Variants in CTTNBP2 observed in about 807,000 individuals in gnomAD.
CTTNBP2 encodes the protein cortactin binding protein 2, also known as cortactin-binding protein 2.
In CTTNBP2, 108 loss-of-function variants were observed where a neutral mutation model predicts 156.9. The ratio of observed to expected loss-of-function variants is 0.69; its 90% CI spans 0.59 to 0.81. CTTNBP2 has a LOEUF of 0.81. CTTNBP2 is among the 30% of genes least tolerant of loss of function. The probability of loss-of-function intolerance (pLI) is 0.00; values close to 1 mark genes in which losing one functional copy is unlikely to be tolerated. For synonymous variants in CTTNBP2, 767 were observed against 751.8 expected, an observed-to-expected ratio of 1.02 and a Z score of -0.33; for missense variants, 1,924 against 2,035.4, an observed-to-expected ratio of 0.95 and a Z score of 1.05.
chr7:117,857,989 G>A (rs555495995), intron 2 of CTTNBP2, among the ~76,000 whole-genome samples: 2 of 152,216 alleles, frequency 1.3e-5, no homozygotes, highest in South Asian at 2.1e-4. Context: ...CCACAGGTAT[G>A]TGAAGACGAC....
At chr7:117,806,140 A>T (rs974625565) in intron 3 of CTTNBP2, among the ~76,000 whole-genome samples, 1 of 152,180 alleles carries the variant, frequency 6.6e-6, no homozygotes, top group African/African-American at 2.4e-5. Context: ...CTTTTGCAAA[A>T]AGCAGTGGAT....
intron 14 of CTTNBP2, among the ~76,000 whole-genome samples, chr7:117,744,995 C>G (rs1425068698): frequency 6.6e-6 from 1 of 152,176 alleles, no homozygotes; most frequent in Non-Finnish European, 1.5e-5. Context: ...TCGCCCCTTC[C>G]CCAGGGGTCT....
At chr7:117,714,855 A>G (rs138924829) in intron 22 of CTTNBP2, among the ~76,000 whole-genome samples, 53 of 152,318 alleles carry the variant, frequency 3.5e-4, no homozygotes, top group South Asian at 1.5e-3. Flanking sequence ...ACACCCTGGA[A>G]GTCAAGCCTA....
At chr7:117,714,846 C>G (rs1244648947) in intron 22 of CTTNBP2, among the ~76,000 whole-genome samples, 1 of 152,174 alleles carries the variant, frequency 6.6e-6, no homozygotes, top group African/African-American at 2.4e-5. Flanking sequence ...GTGCTCCTGA[C>G]ACCCTGGAAG....
Position 117,745,848 on chromosome 7 carries a change from TCTAGTAG to T in CTTNBP2, c.3511_3517del (p.Leu1171ThrfsTer9). ...GTTCTTACCGCTACTAATGAACAGG[TCTAGTAG>T]CTGTTCCTTGGAAAAACCAGCATCT... On this transcript the variant is annotated frameshift_variant, in exon 14 of 23. Coordinates refer to ENST00000160373, the MANE Select transcript of CTTNBP2 (RefSeq NM_033427.3). LOFTEE classifies it high-confidence loss of function. The T allele has an allele frequency of 6.2e-7, 1 of 1,612,116 alleles. No homozygotes were observed. The highest frequency in any genetic ancestry group is 8.5e-7 in the Non-Finnish European group (1 of 1,178,124).
chr7:117,755,421 A>G, intron 12 of CTTNBP2: 1 of 335,060 alleles, frequency 3.0e-6, no homozygotes, highest in Non-Finnish European at 6.0e-6. Context: ...CATCGAAATT[A>G]AGGCAGCAAG....
chr7:117,792,699 T>C lies in CTTNBP2; in HGVS notation c.497A>G (p.Lys166Arg). 1 of 1,612,952 alleles carries C rather than the reference T, an allele frequency of 6.2e-7. No individual in the cohort carries two copies. The highest frequency in any genetic ancestry group is 8.5e-7 in the Non-Finnish European group (1 of 1,179,306). ...LAARLEEERG[K>R]NKQVVLMLVK... is the part of the protein sequence containing the mutation. ...CAGCATCAGGACCACCTGCTTGTTCTTGCCACGCTCTTCCTCAAGGCGGGC... is the reference window on the plus strand; with the variant it reads ...CAGCATCAGGACCACCTGCTTGTTCCTGCCACGCTCTTCCTCAAGGCGGGC... The change falls in exon 4 of 23, where the codon AAG becomes AGG. Residue 166 changes from lysine (K) to arginine (R), a missense_variant. Coordinates refer to ENST00000160373, the MANE Select transcript of CTTNBP2 (RefSeq NM_033427.3). The surrounding 1 kb of genome is among the most constrained non-coding windows in gnomAD (Gnocchi z 4.2).
intron 16 of CTTNBP2, among the ~76,000 whole-genome samples, chr7:117,729,284 G>A (rs1056218520): frequency 1.3e-5 from 2 of 152,168 alleles, no homozygotes; most frequent in African/African-American, 2.4e-5. Flanking sequence ...TGCAGATGTT[G>A]TTTATATGAA....
intron 2 of CTTNBP2, among the ~76,000 whole-genome samples, chr7:117,820,074 A>G (rs1328460653): frequency 6.6e-6 from 1 of 152,202 alleles, no homozygotes; most frequent in Non-Finnish European, 1.5e-5. Flanking sequence ...CCTTGCACAC[A>G]TTCATTAGTG....
At chr7:117,865,810 G>A (rs1804153560) in intron 1 of CTTNBP2, among the ~76,000 whole-genome samples, 1 of 150,306 alleles carries the variant, frequency 6.7e-6, no homozygotes, top group South Asian at 2.1e-4. Context: ...ATCTGGCATG[G>A]CAGCTTCAAC....
At chr7:117,773,648 AACACACAC>A (rs71528190) in intron 8 of CTTNBP2, among the ~76,000 whole-genome samples, 2,639 of 95,086 alleles carry the variant, frequency 0.028, 45 homozygotes, top group East Asian at 0.072. Flanking sequence ...GCTTAGAGTT[AACACACAC>A]ACACACACAC....
chr7:117,784,411 A>G lies in CTTNBP2; in HGVS notation c.2112T>C (p.Pro704=), dbSNP rs1798594203. ...GGGTGGGCCTGCCAGCCAGGGGGGC[A>G]GGACCACCACTCATTAGCAAAGGGG... ...SLTPLLMSGG[P]APLAGRPTLL... is the part of the protein sequence containing the mutation. Residue 704 remains proline, a synonymous_variant, in exon 5 of 23, where the codon CCT becomes CCC. Coordinates refer to ENST00000160373, the MANE Select transcript of CTTNBP2 (RefSeq NM_033427.3). The G allele has an allele frequency of 6.2e-7, 1 of 1,611,630 alleles. No homozygotes were observed. Among genetic ancestry groups the G allele is most frequent in the East Asian group, 2.2e-5 (1 of 44,798 alleles).
intron 22 of CTTNBP2, chr7:117,713,660 C>T (rs1794180554): frequency 6.6e-6 from 1 of 152,180 alleles, no homozygotes; most frequent in Admixed American, 6.5e-5. Flanking sequence ...AGTTTGGCTC[C>T]AATCCCCTTT....
At chr7:117,829,307 T>C (rs947614737) in intron 2 of CTTNBP2, among the ~76,000 whole-genome samples, 1 of 152,214 alleles carries the variant, frequency 6.6e-6, no homozygotes. Context: ...TTAATATTCA[T>C]AGAGAACAAA....
At chr7:117,767,286 A>C in intron 8 of CTTNBP2, 110 bp from the exon 9 acceptor site, 1 of 701,088 alleles carries the variant, frequency 1.4e-6, no homozygotes, top group Non-Finnish European at 2.6e-6. Context: ...ATTCATGGCT[A>C]TAAATCTTAT....
chr7:117,839,258 G>A (rs1324165276), intron 2 of CTTNBP2, among the ~76,000 whole-genome samples: 1 of 152,112 alleles, frequency 6.6e-6, no homozygotes, highest in African/African-American at 2.4e-5. Context: ...TATATATGTA[G>A]TCTCATTGAA....
At chr7:117,854,709 T>C (rs2117210822) in intron 2 of CTTNBP2, among the ~76,000 whole-genome samples, 1 of 152,364 alleles carries the variant, frequency 6.6e-6, no homozygotes, top group East Asian at 1.9e-4. Context: ...AGAAAATCAC[T>C]GCATCATTAT....
intron 2 of CTTNBP2, among the ~76,000 whole-genome samples, chr7:117,843,433 T>A (rs1025821332): frequency 1.3e-5 from 2 of 152,194 alleles, no homozygotes; most frequent in Non-Finnish European, 2.9e-5. Context: ...AAGATGACAT[T>A]TCAGCAAACA....
intron 8 of CTTNBP2, among the ~76,000 whole-genome samples, chr7:117,774,444 G>A (rs929441581): frequency 2.0e-5 from 3 of 152,180 alleles, no homozygotes; most frequent in East Asian, 1.9e-4. Flanking sequence ...GACCGCACAG[G>A]AGGAGGTGAG....
Sources: gnomAD v4.1 joint callset for allele counts (sites outside exome capture counted in the v4.1 genomes callset) on GRCh38, gnomAD v4.1.1 for gene constraint, Gnocchi (gnomAD v3.1) non-coding constraint, MANE v1.5 for transcripts, NCBI Gene and HGNC (gene_info 2026-07-23, HGNC 2026-07-21) for gene names.